HAUS2: variants seen among roughly 807,000 people sequenced by gnomAD.
The protein encoded by HAUS2 is HAUS augmin-like complex subunit 2.
A neutral mutation model predicts 21.6 loss-of-function variants in HAUS2; 20 were observed. The observed-to-expected ratio is 0.93, with a 90% CI of 0.65 to 1.35. The LOEUF is 1.35. HAUS2 is among the 40% of genes most tolerant of loss of function. HAUS2 has a pLI of 0.00. For missense variants in HAUS2, 297 were observed against 280.7 expected (o/e 1.06, Z -0.42); for synonymous variants, 113 against 95.6 (o/e 1.18, Z -1.06).
At chr15:42,553,729 A>G (rs1380644581) in intron 1 of HAUS2, among the ~76,000 whole-genome samples, 1 of 152,180 alleles carries the variant, frequency 6.6e-6, no homozygotes, top group East Asian at 1.9e-4. Context: ...ACAGTTTACT[A>G]GTTTGCCAGA....
In HAUS2 at chr15:42,561,323, A is replaced by G; in HGVS notation, c.310A>G (p.Lys104Glu). The G allele has an allele frequency of 6.4e-7, 1 of 1,570,958 alleles. No individual in the cohort carries two copies. Among genetic ancestry groups the G allele is most frequent in the Non-Finnish European group, 8.8e-7 (1 of 1,140,742 alleles). The change falls in exon 4 of 6, where the codon AAA becomes GAA. Residue 104 changes from lysine to glutamate, a missense_variant. Lys to Glu is a moderately conservative substitution (Grantham distance 56). Coordinates refer to ENST00000260372, the MANE Select transcript of HAUS2 (RefSeq NM_018097.3). Reference sequence around the variant, plus strand: ...GAATAATCATTTGGAAGCAGTGCTGAAAGAGAAGAGATCCCTTAGGCAAAG... The same window carrying G: ...GAATAATCATTTGGAAGCAGTGCTGGAAGAGAAGAGATCCCTTAGGCAAAG... ...SMNNHLEAVLKEKRSLRQRLL... is the reference protein window; with the variant it reads ...SMNNHLEAVLEEKRSLRQRLL...
rs937321675 is a variant in HAUS2, at chr15:42,559,231, T to C, written c.187-108T>C. 1.9e-5 allele frequency: 13 copies of C among 671,866 alleles called. No homozygotes were observed. The African/African-American group carries it at 2.2e-4, about 11-fold the overall frequency. 41.6% of individuals were successfully genotyped at this position (671,866 alleles called of 1,614,324 possible). A position where few individuals can be genotyped will look rare whatever the true frequency, so the allele number is the denominator to read the frequency against. ...CTCACTACATCCTGACCTCTGGTGA[T>C]CCACCTGCCTCAGCCTCCCAAAGTG... is the stretch of plus-strand genomic sequence containing the variant. On this transcript the variant is annotated intron_variant, in intron 2 of 5. Coordinates refer to ENST00000260372, the MANE Select transcript of HAUS2 (RefSeq NM_018097.3).
intron 1 of HAUS2, among the ~76,000 whole-genome samples, chr15:42,550,536 T>C (rs930797242): frequency 2.0e-5 from 3 of 152,212 alleles, no homozygotes; most frequent in African/African-American, 4.8e-5. Flanking sequence ...TGTGATACTG[T>C]ATTAAAAGAT....
chr15:42,555,920 C>G (rs973732318), intron 1 of HAUS2, among the ~76,000 whole-genome samples: 16 of 152,064 alleles, frequency 1.1e-4, no homozygotes, highest in Non-Finnish European at 2.1e-4. Context: ...AACTTTATTT[C>G]TGGACCATGA....
rs1430525532 is a variant in HAUS2 at position 42,569,854 on chromosome 15, G to A, written c.*3038G>A. ...CCACGTTGGTTTCAAAACATACTAT[G>A]CTTTTTCTTCGTGTTATTTCCTATA... On this transcript the variant is annotated 3_prime_UTR_variant, in exon 6 of 6. Coordinates refer to ENST00000260372, the MANE Select transcript of HAUS2 (RefSeq NM_018097.3). 6.6e-6 allele frequency: 1 copy of A among 152,104 alleles called. No individual in the cohort carries two copies. The highest frequency in any genetic ancestry group is 1.5e-5 in the Non-Finnish European group (1 of 68,020). 9.4% of individuals were successfully genotyped at this position (152,104 alleles called of 1,614,324 possible). A position where few individuals can be genotyped will look rare whatever the true frequency, so the allele number is the denominator to read the frequency against.
At chr15:42,556,113 G>A (rs377347449) in intron 1 of HAUS2, among the ~76,000 whole-genome samples, 16 of 148,180 alleles carry the variant, frequency 1.1e-4, no homozygotes, top group African/African-American at 3.8e-4. Flanking sequence ...CTGCCACCAC[G>A]CCTGGCTAAT....
chr15:42,558,387 G>A (rs753457993), intron 2 of HAUS2, 97 bp downstream of exon 2: 10 of 575,956 alleles, frequency 1.7e-5, no homozygotes, highest in Non-Finnish European at 3.1e-5. Flanking sequence ...GAGTGCAGTG[G>A]CACAATCTCG....
chr15:42,560,664 T>G, intron 3 of HAUS2: 1 of 584,222 alleles, frequency 1.7e-6, no homozygotes. Flanking sequence ...TAACCCAGGC[T>G]GAAGTACAGG....
intron 1 of HAUS2, among the ~76,000 whole-genome samples, chr15:42,553,246 A>T (rs1487070975): frequency 6.6e-6 from 1 of 152,088 alleles, no homozygotes; most frequent in Admixed American, 6.6e-5. Flanking sequence ...CGGCCTCCCA[A>T]AGTGCTGGGA....
intron 1 of HAUS2, among the ~76,000 whole-genome samples, chr15:42,551,237 C>CT (rs2057722645): frequency 6.6e-6 from 1 of 151,686 alleles, no homozygotes; most frequent in African/African-American, 2.4e-5. Context: ...ATCTGCCTGT[C>CT]TCGGCCTCCC....
intron 1 of HAUS2, among the ~76,000 whole-genome samples, chr15:42,554,914 A>G (rs925898849): frequency 9.3e-5 from 14 of 150,288 alleles, no homozygotes; most frequent in Non-Finnish European, 1.2e-4. Context: ...TACAGCCTCA[A>G]TCTCCCAGGC....
intron 3 of HAUS2, chr15:42,560,781 G>A (rs753863741): frequency 1.4e-6 from 1 of 701,768 alleles, no homozygotes; most frequent in Non-Finnish European, 2.6e-6. Flanking sequence ...TTTTTTTGTA[G>A]AGATGAAGTC....
intron 3 of HAUS2, among the ~76,000 whole-genome samples, chr15:42,560,442 A>G (rs1461201689): frequency 2.0e-5 from 3 of 152,138 alleles, no homozygotes; most frequent in Non-Finnish European, 2.9e-5. Flanking sequence ...AAGAAAATGT[A>G]GCCAAATGTT....
At position 42,569,579 on chromosome 15, in the gene HAUS2, G is replaced by A. The variant is rs2057941121; in HGVS notation, c.*2763G>A. On this transcript the variant is annotated 3_prime_UTR_variant, in exon 6 of 6. Coordinates refer to ENST00000260372, the MANE Select transcript of HAUS2 (RefSeq NM_018097.3). ...GCCTCAGCCTCCGAAAGTGCTGGGA[G>A]TACAGGTGTTAGCCACTGCGCCTGG... is the stretch of plus-strand genomic sequence containing the variant. 6.6e-6 allele frequency: 1 copy of A among 152,138 alleles called. No individual in the cohort carries two copies. 9.4% of individuals were successfully genotyped at this position (152,138 alleles called of 1,614,324 possible).
chr15:42,552,985 ATTTT>A (rs34872260), intron 1 of HAUS2, among the ~76,000 whole-genome samples: 2 of 137,120 alleles, frequency 1.5e-5, no homozygotes, highest in African/African-American at 2.7e-5. Context: ...TGTTACCAGG[ATTTT>A]TTTTTTTTTT....
chr15:42,553,490 T>TTA (rs71772792), intron 1 of HAUS2, among the ~76,000 whole-genome samples: 3 of 151,658 alleles, frequency 2.0e-5, no homozygotes, highest in African/African-American at 7.3e-5. Flanking sequence ...TTTTTTTTTT[T>TTA]AAATGTGTTA....
intron 1 of HAUS2, among the ~76,000 whole-genome samples, chr15:42,557,328 T>TTA (rs1324076181): frequency 1.2e-5 from 1 of 81,038 alleles, no homozygotes; most frequent in African/African-American, 4.8e-5. Context: ...AATATATATA[T>TTA]TATATATAAT....
intron 4 of HAUS2, among the ~76,000 whole-genome samples, chr15:42,562,733 C>G (rs1480842324): frequency 6.6e-6 from 1 of 152,188 alleles, no homozygotes; most frequent in Non-Finnish European, 1.5e-5. Flanking sequence ...TGCAGAGATT[C>G]AAAGTAGCTT....
At chr15:42,560,980 T>C in intron 3 of HAUS2, 1 of 597,608 alleles carries the variant, frequency 1.7e-6, no homozygotes, top group Non-Finnish European at 2.9e-6. Context: ...GCTCTGGCTA[T>C]AAGAACTGAA....
Sources: allele counts gnomAD v4.1 joint callset (sites outside exome capture counted in the v4.1 genomes callset), GRCh38; gene constraint gnomAD v4.1.1; transcripts MANE v1.5; gene names NCBI Gene and HGNC (gene_info 2026-07-23, HGNC 2026-07-21).